The following OVCH1 variants were observed in gnomAD, a reference collection of about 807,000 sequenced individuals.
OVCH1 encodes the protein ovochymase-1.
In OVCH1, 139 loss-of-function variants were observed where a neutral mutation model predicts 138.4. The ratio of observed to expected loss-of-function variants is 1.00; its 90% CI spans 0.87 to 1.16. OVCH1 has a LOEUF of 1.16. OVCH1 is among the 50% of genes most tolerant of loss of function. The pLI is 0.00. For missense variants in OVCH1, 1,367 were observed against 1,357.9 expected, an observed-to-expected ratio of 1.01 and a Z score of -0.11; for synonymous variants, 453 against 467.8, an observed-to-expected ratio of 0.97 and a Z score of 0.41.
intron 19 of OVCH1, among the ~76,000 whole-genome samples, chr12:29,460,651 TCAC>T (rs1165747036): frequency 1.3e-5 from 2 of 152,036 alleles, no homozygotes; most frequent in African/African-American, 4.8e-5. Context: ...ATGGATAAAT[TCAC>T]CACGTGTATT....
chr12:29,416,392 C>T (rs1037106537), intron 3 of OVCH1, among the ~76,000 whole-genome samples: 1 of 152,040 alleles, frequency 6.6e-6, no homozygotes, highest in Non-Finnish European at 1.5e-5. Flanking sequence ...CTGGGAGGAA[C>T]ATCTGCAAAC....
chr12:29,427,309 G>A (rs1411683393), downstream of OVCH1, among the ~76,000 whole-genome samples: 2 of 152,114 alleles, frequency 1.3e-5, no homozygotes, highest in African/African-American at 4.8e-5. Context: ...GATACAGCAA[G>A]AACAAAAGAG....
chr12:29,439,387 TTAATA>T lies in OVCH1; in HGVS notation c.3200_3204del (p.Ile1067LysfsTer9). On this transcript the variant is annotated frameshift_variant, in exon 26 of 28. Coordinates refer to ENST00000318184, the Ensembl canonical transcript of OVCH1. LOFTEE classifies it high-confidence loss of function. ...TTAATAAAATTCAGTTTTTCTCTTT[TTAATA>T]TGTCTTTTGTCAGTATCATTGCCAG... The T allele has an allele frequency of 6.4e-7, 1 of 1,562,260 alleles. No individual in the cohort carries two copies. Among genetic ancestry groups the T allele is most frequent in the Non-Finnish European group, 8.7e-7 (1 of 1,154,500 alleles).
exon 23 of OVCH1, chr12:29,445,324 A>G (rs1280397211): frequency 1.2e-6 from 2 of 1,611,934 alleles, no homozygotes; most frequent in Non-Finnish European, 1.7e-6. Context: ...CACCTCGTAC[A>G]AGGGCATGGA....
At chr12:29,475,222 T>A (rs905797073) in intron 13 of OVCH1, 33 bp from the exon 14 acceptor site, 8 of 1,367,548 alleles carry the variant, frequency 5.8e-6, no homozygotes, top group Non-Finnish European at 7.7e-6. Context: ...TGATTTATAG[T>A]TATATTTTTA....
Position 29,477,694 on chromosome 12 carries a change from T to C in OVCH1, c.1070-116A>G. ...CAGTCTCACATGTCCAAATTCTACT[T>C]ATTCTTCAGGGCCTAACTCAAAATT... On this transcript the variant is annotated intron_variant, in intron 9 of 27. Coordinates refer to ENST00000318184, the Ensembl canonical transcript of OVCH1. 2.5e-6 allele frequency: 3 copies of C among 1,220,168 alleles called. No individual in the cohort carries two copies. In the South Asian group the frequency reaches 4.3e-5, roughly 18 times the overall value. The allele number at this position is 1,220,168 out of a possible 1,614,324, so 75.6% of individuals were successfully genotyped here.
At chr12:29,445,601 T>C (rs573735972) in intron 22 of OVCH1, among the ~76,000 whole-genome samples, 198 bp from the exon 23 acceptor site, 1 of 152,198 alleles carries the variant, frequency 6.6e-6, no homozygotes, top group South Asian at 2.1e-4. Flanking sequence ...GATCTTCAAC[T>C]TGGGTCCATG....
At chr12:29,441,089 A>G (rs993545059) in intron 25 of OVCH1, among the ~76,000 whole-genome samples, 3 of 152,160 alleles carry the variant, frequency 2.0e-5, no homozygotes, top group Non-Finnish European at 4.4e-5. Context: ...CCAAAGTCCC[A>G]TATATCCCAT....
chr12:29,467,914 A>T (rs1942374369), intron 16 of OVCH1, among the ~76,000 whole-genome samples: 1 of 152,182 alleles, frequency 6.6e-6, no homozygotes, highest in Non-Finnish European at 1.5e-5. Flanking sequence ...GGGCACGTGT[A>T]GGACATAGGG....
downstream of OVCH1, among the ~76,000 whole-genome samples, chr12:29,409,750 G>C (rs184331605): frequency 1.2e-3 from 176 of 152,276 alleles, no homozygotes; most frequent in African/African-American, 3.9e-3. Context: ...TTTTGGAATA[G>C]GTGTGGTGTG....
At chr12:29,486,829 A>G (rs1467207561) in intron 7 of OVCH1, 2 of 435,614 alleles carry the variant, frequency 4.6e-6, no homozygotes, top group East Asian at 1.4e-4. Flanking sequence ...GTAAAATCTC[A>G]TTGTTACCAT....
chr12:29,436,828 CAT>C (rs144962312), intron 26 of OVCH1, among the ~76,000 whole-genome samples: 3,659 of 152,262 alleles, frequency 0.024, 145 homozygotes, highest in African/African-American at 0.082. Context: ...TGTTACAGCT[CAT>C]AGAGGTAGTG....
chr12:29,444,310 A>G (rs368999880), intron 23 of OVCH1, 30 bp from the exon 24 acceptor site: 193 of 1,601,752 alleles, frequency 1.2e-4, no homozygotes, highest in Non-Finnish European at 2.1e-5. Context: ...AGAAAATGAG[A>G]ATAAAACCAA....
chr12:29,492,883 A>G (rs1943309132), intron 4 of OVCH1, among the ~76,000 whole-genome samples: 1 of 152,152 alleles, frequency 6.6e-6, no homozygotes, highest in Non-Finnish European at 1.5e-5. Flanking sequence ...GAGAATAACT[A>G]ATGGATTCCC....
At chr12:29,409,813 G>A (rs144835014), downstream of OVCH1, among the ~76,000 whole-genome samples, 3,943 of 152,232 alleles carry the variant, frequency 0.026, 148 homozygotes, top group African/African-American at 0.085. Context: ...TTCTGTAGAT[G>A]TCTATGAGGT....
chr12:29,460,887 A>G (rs1333211748), intron 19 of OVCH1, among the ~76,000 whole-genome samples: 1 of 152,214 alleles, frequency 6.6e-6, no homozygotes, highest in Non-Finnish European at 1.5e-5. Context: ...AAATTCAAAC[A>G]GAATTTAAGC....
At chr12:29,473,175 G>T in intron 14 of OVCH1, 72 bp from the exon 15 acceptor site, 2 of 1,068,950 alleles carry the variant, frequency 1.9e-6, no homozygotes, top group Non-Finnish European at 2.8e-6. Context: ...TGCTTACCCT[G>T]GTAAATCATA....
At chr12:29,438,877 TTC>T (rs1228669232) in intron 26 of OVCH1, among the ~76,000 whole-genome samples, 2 of 152,204 alleles carry the variant, frequency 1.3e-5, no homozygotes, top group Non-Finnish European at 2.9e-5. Flanking sequence ...TCCTATTTGG[TTC>T]TGTCAAATGT....
downstream of OVCH1, among the ~76,000 whole-genome samples, chr12:29,409,929 G>A (rs532893418): frequency 5.6e-4 from 85 of 152,090 alleles, no homozygotes; most frequent in African/African-American, 2.0e-3. Context: ...CCCATTATTG[G>A]TGTGTGGGAG....
Sources: allele counts gnomAD v4.1 joint callset (sites outside exome capture counted in the v4.1 genomes callset), GRCh38; gene constraint gnomAD v4.1.1; transcripts MANE v1.5; gene names NCBI Gene and HGNC (gene_info 2026-07-23, HGNC 2026-07-21).